Variants in HEATR5A observed in about 807,000 individuals in gnomAD.
The protein encoded by HEATR5A is HEAT repeat containing 5A.
In HEATR5A, 178 loss-of-function variants were observed where a neutral mutation model predicts 218.8. That is an observed-to-expected ratio of 0.81 (90% CI 0.72 to 0.92). The LOEUF is 0.92. Ranked by LOEUF, HEATR5A falls within the 40% of genes least tolerant of loss-of-function variation. The pLI is 0.00. For synonymous variants in HEATR5A, 864 were observed against 871.6 expected (o/e 0.99, Z 0.15); for missense variants, 2,420 against 2,418.9 (o/e 1.00, Z -0.01).
At chr14:31,336,213 C>G (rs4011659) in intron 22 of HEATR5A, among the ~76,000 whole-genome samples, 3 of 90,738 alleles carry the variant, frequency 3.3e-5, no homozygotes, top group African/African-American at 1.1e-4. Flanking sequence ...TATATACATA[C>G]ATACATATAT....
intron 27 of HEATR5A, among the ~76,000 whole-genome samples, chr14:31,313,782 AG>A (rs1899831896): frequency 6.6e-6 from 1 of 152,228 alleles, no homozygotes; most frequent in Admixed American, 6.5e-5. Context: ...TACACAACAC[AG>A]TATAAATATT....
At chr14:31,335,614 T>C (rs747793034) in intron 22 of HEATR5A, among the ~76,000 whole-genome samples, 1 of 152,190 alleles carries the variant, frequency 6.6e-6, no homozygotes, top group African/African-American at 2.4e-5. Context: ...TCTATAACTT[T>C]CTAAAAGTAT....
At chr14:31,349,670 A>G (rs1595124532) in intron 18 of HEATR5A, 119 bp downstream of exon 18, 1 of 671,644 alleles carries the variant, frequency 1.5e-6, no homozygotes, top group East Asian at 2.8e-5. Context: ...TCAACATTTG[A>G]CAATTTTTCT....
chr14:31,316,834 C>G (rs930686981), intron 26 of HEATR5A, among the ~76,000 whole-genome samples: 1 of 152,114 alleles, frequency 6.6e-6, no homozygotes, highest in Admixed American at 6.6e-5. Flanking sequence ...GCCACAGGCA[C>G]ATACCACCAC....
intron 28 of HEATR5A, among the ~76,000 whole-genome samples, chr14:31,310,887 C>T (rs1444024306): frequency 4.6e-5 from 7 of 151,994 alleles, no homozygotes; most frequent in Non-Finnish European, 1.0e-4. Flanking sequence ...CCATAGTGTA[C>T]ACCATAGTCC....
intron 27 of HEATR5A, 24 bp downstream of exon 27, chr14:31,315,746 A>G: frequency 6.6e-7 from 1 of 1,525,794 alleles, no homozygotes. Flanking sequence ...CCAAAATTCC[A>G]GTTACAAATT....
At chr14:31,323,141 T>C (rs1485630604) in intron 24 of HEATR5A, among the ~76,000 whole-genome samples, 3 of 152,174 alleles carry the variant, frequency 2.0e-5, no homozygotes, top group Non-Finnish European at 4.4e-5. Context: ...TCTATAAACT[T>C]AATGCATTGC....
chr14:31,363,208 C>G (rs1163224786), intron 14 of HEATR5A, among the ~76,000 whole-genome samples: 1 of 149,732 alleles, frequency 6.7e-6, no homozygotes. Flanking sequence ...CACTGCACTC[C>G]AGCCTGGGGG....
chr14:31,327,327 T>C (rs371360622), intron 22 of HEATR5A, among the ~76,000 whole-genome samples: 125 of 131,356 alleles, frequency 9.5e-4, no homozygotes, highest in Middle Eastern at 4.1e-3. Context: ...CGAGTCTTGC[T>C]CTGTTGCCCA....
At chr14:31,415,497 C>T (rs951252123) in intron 1 of HEATR5A, among the ~76,000 whole-genome samples, 1 of 152,262 alleles carries the variant, frequency 6.6e-6, no homozygotes, top group East Asian at 1.9e-4. Context: ...ATAATGACTG[C>T]AAATACCTTT....
intron 22 of HEATR5A, among the ~76,000 whole-genome samples, chr14:31,331,616 T>C (rs370549189): frequency 1.4e-4 from 22 of 152,298 alleles, no homozygotes; most frequent in African/African-American, 4.8e-4. Flanking sequence ...GGTACCAATT[T>C]ACTGTATTAG....
At chr14:31,407,856 G>A (rs972528934) in intron 1 of HEATR5A, among the ~76,000 whole-genome samples, 1 of 152,120 alleles carries the variant, frequency 6.6e-6, no homozygotes, top group African/African-American at 2.4e-5. Flanking sequence ...TCGAACTCCT[G>A]AACTCAGGTA....
chr14:31,311,409 ATTCTT>A (rs1482848367), intron 28 of HEATR5A, among the ~76,000 whole-genome samples: 7 of 152,144 alleles, frequency 4.6e-5, no homozygotes, highest in Non-Finnish European at 8.8e-5. Flanking sequence ...GACTGATTAC[ATTCTT>A]TTAATTTTTT....
intron 1 of HEATR5A, among the ~76,000 whole-genome samples, chr14:31,409,290 C>T (rs929828725): frequency 2.0e-4 from 30 of 150,798 alleles, no homozygotes; most frequent in Non-Finnish European, 5.9e-5. Context: ...TCAGGTGATC[C>T]AACCGCCTCG....
rs896163103 is a variant in HEATR5A, at chr14:31,309,158, G to A, written c.4466C>T (p.Thr1489Ile). The change falls in exon 29 of 36, where the codon ACT becomes ATT. Residue 1489 changes from threonine (T) to isoleucine (I), a missense_variant. Physicochemically the swap from Thr to Ile is moderately conservative, Grantham distance 89. Coordinates refer to ENST00000543095, the MANE Select transcript of HEATR5A (RefSeq NM_015473.4). ...AEGGAFYTAETSENAKLHYYN... is the reference protein window; with the variant it reads ...AEGGAFYTAEISENAKLHYYN... ...ATAATGCAATTTTGCATTTTCACTA[G>A]TCTCTGCTGTGTAGAAAGCACCACC... is the stretch of plus-strand genomic sequence containing the variant. 8.1e-6 allele frequency: 13 copies of A among 1,613,760 alleles called. No individual in the cohort carries two copies. The highest frequency in any genetic ancestry group is 1.3e-5 in the African/African-American group (1 of 74,926).
At chr14:31,382,312 A>G (rs547729563) in intron 10 of HEATR5A, among the ~76,000 whole-genome samples, 12 of 152,220 alleles carry the variant, frequency 7.9e-5, no homozygotes, top group Non-Finnish European at 1.3e-4. Flanking sequence ...GGCATTGGCA[A>G]TACTCAAAAT....
At chr14:31,394,626 T>C (rs756299913) in intron 5 of HEATR5A, among the ~76,000 whole-genome samples, 2 of 151,824 alleles carry the variant, frequency 1.3e-5, no homozygotes, top group Admixed American at 6.6e-5. Flanking sequence ...CCATCCTGGC[T>C]AAGATGGTGG....
rs910006121 is a variant in HEATR5A, at chr14:31,340,611, A to G, written c.3229-2997T>C. ...ATTTAAATTGGCTTAGCTTCAGCTT[A>G]AAAATTTGCCACAAATATTTTATTT... On this transcript the variant is annotated intron_variant, in intron 21 of 35. Transcript: ENST00000543095. 5 of 437,176 alleles carry G rather than the reference A, an allele frequency of 1.1e-5. No individual in the cohort carries two copies. In the South Asian group the frequency reaches 1.5e-4, roughly 13 times the overall value. The allele number at this position is 437,176 out of a possible 1,614,324, so 27.1% of individuals were successfully genotyped here. A position where few individuals can be genotyped will look rare whatever the true frequency, so the allele number is the denominator to read the frequency against.
In HEATR5A at chr14:31,364,223, T is replaced by G; in HGVS notation, c.2037A>C (p.Glu679Asp). The change falls in exon 14 of 36, where the codon GAA becomes GAC. Residue 679 changes from glutamate to aspartate, a missense_variant. By Grantham distance (45) the Glu-to-Asp change is conservative. Coordinates refer to ENST00000543095, the MANE Select transcript of HEATR5A (RefSeq NM_015473.4). ...PSVVYRQRLY[E>D]LLILLPPETY... is the part of the protein sequence containing the mutation. ...TCTCAGGAGGTAATAAAATCAACAG[T>G]TCATAAAGTCTTTGTCTATAAACCA... The G allele has an allele frequency of 1.9e-6, 3 of 1,551,146 alleles. No homozygotes were observed. Among genetic ancestry groups the G allele is most frequent in the Non-Finnish European group, 2.6e-6 (3 of 1,143,676 alleles).
Sources: allele counts gnomAD v4.1 joint callset (sites outside exome capture counted in the v4.1 genomes callset), GRCh38; gene constraint gnomAD v4.1.1; transcripts MANE v1.5; gene names NCBI Gene and HGNC (gene_info 2026-07-23, HGNC 2026-07-21).